Variants in IFT25 observed in about 807,000 individuals in gnomAD.
IFT25 encodes intraflagellar transport 25.
At chr1:53,935,468 G>A in the IFT25 span, among the ~76,000 whole-genome samples, 1 of 150,498 alleles carries the variant, frequency 6.6e-6, no homozygotes, top group Non-Finnish European at 1.5e-5. Context: ...GTTTCTTTTT[G>A]GGATGATGAA....
chr1:53,944,022 C>G, the IFT25 span, among the ~76,000 whole-genome samples: 1 of 152,200 alleles, frequency 6.6e-6, no homozygotes, highest in Non-Finnish European at 1.5e-5. Context: ...TTTCTTACCT[C>G]ACATTCTTAA....
the IFT25 span, among the ~76,000 whole-genome samples, chr1:53,920,699 G>A: frequency 1.3e-5 from 2 of 152,214 alleles, no homozygotes; most frequent in Non-Finnish European, 2.9e-5. Flanking sequence ...GGGTGTGGTG[G>A]CTCACGCCTG....
chr1:53,915,659 G>C, the IFT25 span, among the ~76,000 whole-genome samples: 1 of 152,156 alleles, frequency 6.6e-6, no homozygotes, highest in African/African-American at 2.4e-5. Context: ...TTAATAGGGA[G>C]GCCAGAGAAA....
the IFT25 span, among the ~76,000 whole-genome samples, chr1:53,919,914 C>G: frequency 6.6e-6 from 1 of 152,060 alleles, no homozygotes; most frequent in African/African-American, 2.4e-5. Flanking sequence ...CTCAGCCTCC[C>G]AAGCAGCTGA....
At chr1:53,925,415 T>C in the IFT25 span, among the ~76,000 whole-genome samples, 8 of 151,156 alleles carry the variant, frequency 5.3e-5, no homozygotes, top group East Asian at 1.9e-4. Context: ...AATCCCAGCA[T>C]TTTGGGAGGC....
the IFT25 span, chr1:53,928,227 A>G: frequency 1.3e-5 from 8 of 617,364 alleles, no homozygotes; most frequent in South Asian, 1.7e-4. Context: ...TTGTATTCAA[A>G]CCTGGGTCTT....
the IFT25 span, among the ~76,000 whole-genome samples, chr1:53,916,037 T>G: frequency 4.9e-3 from 745 of 151,960 alleles, 4 homozygotes; most frequent in African/African-American, 0.017. Context: ...TACAAAAAAT[T>G]AGCCAGGTGT....
chr1:53,930,095 A>T, the IFT25 span: 1 of 1,575,764 alleles, frequency 6.3e-7, no homozygotes, highest in Admixed American at 1.9e-5. Flanking sequence ...GAAACAAATA[A>T]TGAATTCCTG....
At chr1:53,930,296 TA>T in the IFT25 span, 2 of 753,142 alleles carry the variant, frequency 2.7e-6, no homozygotes, top group South Asian at 4.6e-5. Context: ...TCTCCAACTT[TA>T]ATAATTCTTC....
the IFT25 span, among the ~76,000 whole-genome samples, chr1:53,939,207 C>T: frequency 2.7e-5 from 4 of 150,266 alleles, no homozygotes; most frequent in Non-Finnish European, 5.9e-5. Context: ...TTGGCCAATA[C>T]GGTGAAATCC....
At chr1:53,935,599 G>A in the IFT25 span, among the ~76,000 whole-genome samples, 109 of 150,130 alleles carry the variant, frequency 7.3e-4, no homozygotes, top group African/African-American at 2.5e-3. Context: ...CAATAAAGTT[G>A]TTACCCACCC....
the IFT25 span, among the ~76,000 whole-genome samples, chr1:53,936,915 A>C: frequency 3.9e-5 from 6 of 152,096 alleles, no homozygotes; most frequent in East Asian, 9.7e-4. Flanking sequence ...GGCTAGTCTC[A>C]AACTCCTGAC....
the IFT25 span, among the ~76,000 whole-genome samples, chr1:53,920,688 C>T: frequency 6.6e-6 from 1 of 152,116 alleles, no homozygotes; most frequent in South Asian, 2.1e-4. Flanking sequence ...GAAAGAGGGC[C>T]GGGTGTGGTG....
At chr1:53,912,330 ATGCATCAAACAT>A in the IFT25 span, among the ~76,000 whole-genome samples, 1 of 152,212 alleles carries the variant, frequency 6.6e-6, no homozygotes, top group Admixed American at 6.5e-5. Flanking sequence ...CTTCAACTTA[ATGCATCAAACAT>A]TGAGCATTGA....
At chr1:53,941,913 C>T in the IFT25 span, among the ~76,000 whole-genome samples, 8 of 152,104 alleles carry the variant, frequency 5.3e-5, no homozygotes, top group East Asian at 7.7e-4. Flanking sequence ...CCTGTGGACC[C>T]GACAGAGAAA....
At chr1:53,919,029 G>A in the IFT25 span, among the ~76,000 whole-genome samples, 54 of 152,272 alleles carry the variant, frequency 3.5e-4, 3 homozygotes, top group South Asian at 0.011. Context: ...GTAGAAAACA[G>A]GGTTTCACCG....
the IFT25 span, among the ~76,000 whole-genome samples, chr1:53,932,367 C>T: frequency 6.6e-6 from 1 of 151,998 alleles, no homozygotes; most frequent in Non-Finnish European, 1.5e-5. Flanking sequence ...TCTAAGATCC[C>T]TTCTGATTTC....
the IFT25 span, among the ~76,000 whole-genome samples, chr1:53,925,698 T>C: frequency 6.7e-6 from 1 of 150,004 alleles, no homozygotes; most frequent in Non-Finnish European, 1.5e-5. Context: ...AAGAAAAATA[T>C]CAAACATACT....
chr1:53,926,648 A>G, the IFT25 span, among the ~76,000 whole-genome samples: 1 of 151,922 alleles, frequency 6.6e-6, no homozygotes, highest in African/African-American at 2.4e-5. Context: ...TCTCTCCCCT[A>G]CACACATTTT....
Sources: gnomAD v4.1 joint callset for allele counts (sites outside exome capture counted in the v4.1 genomes callset) on GRCh38, gnomAD v4.1.1 for gene constraint, MANE v1.5 for transcripts, NCBI Gene and HGNC (gene_info 2026-07-23, HGNC 2026-07-21) for gene names.